The following TMEM255B variants were observed in gnomAD, a reference collection of about 807,000 sequenced individuals.
TMEM255B encodes the protein transmembrane protein 255B.
TMEM255B carries 35 observed loss-of-function variants against 34.5 expected under a neutral mutation model. The observed-to-expected ratio is 1.01, with a 90% CI of 0.77 to 1.34. TMEM255B has a LOEUF of 1.34. TMEM255B is among the 40% of genes most tolerant of loss of function. TMEM255B has a pLI of 0.00. For synonymous variants in TMEM255B, 206 were observed against 201.2 expected, an observed-to-expected ratio of 1.02 and a Z score of -0.20; for missense variants, 432 against 433.2, an observed-to-expected ratio of 1.00 and a Z score of 0.02.
rs2051068446 is a variant in TMEM255B, at chr13:113,801,757, T to C, written c.614T>C (p.Leu205Pro). ...TGGGCCTCTGCAGTTCTGAACGTCC[T>C]GGGCCTGTTCCTGGGCATCATCACC... ...LLWASAVLNV[L>P]GLFLGIITAA... is the part of the protein sequence containing the mutation. The change falls in exon 7 of 9, where the codon CTG becomes CCG. Residue 205 changes from leucine (L) to proline (P), a missense_variant. Physicochemically the swap from Leu to Pro is moderately conservative, Grantham distance 98. Transcript: ENST00000375353. 1 of 1,612,958 alleles carries C rather than the reference T, an allele frequency of 6.2e-7. No homozygotes were observed.
intron 2 of TMEM255B, 172 bp from the exon 3 acceptor site, chr13:113,768,926 A>G: frequency 1.4e-6 from 1 of 714,102 alleles, no homozygotes; most frequent in Non-Finnish European, 2.6e-6. Context: ...TGCCTGCCCA[A>G]CGCCAGCAGA....
At chr13:113,785,584 T>C (rs1407325242) in intron 3 of TMEM255B, among the ~76,000 whole-genome samples, 2 of 152,216 alleles carry the variant, frequency 1.3e-5, no homozygotes, top group Admixed American at 6.5e-5. Context: ...AAAAGTTCAA[T>C]TAAAGAAACT....
At chr13:113,802,519 GC>G (rs891069239) in intron 7 of TMEM255B, among the ~76,000 whole-genome samples, 1 of 152,150 alleles carries the variant, frequency 6.6e-6, no homozygotes, top group South Asian at 2.1e-4. Flanking sequence ...GACGAGGGGC[GC>G]CCCCTCTTGC....
At chr13:113,774,749 ACACACACCACACAC>A (rs199904110) in intron 3 of TMEM255B, among the ~76,000 whole-genome samples, 1 of 146,958 alleles carries the variant, frequency 6.8e-6, no homozygotes, top group South Asian at 2.2e-4. Flanking sequence ...CACACACACT[ACACACACCACACAC>A]CACACACAAC....
chr13:113,806,333 G>A lies in TMEM255B; in HGVS notation c.813+1305G>A, dbSNP rs1385952915. On this transcript the variant is annotated intron_variant, in intron 8 of 8. Transcript: ENST00000375353. This position sits in a 1 kb window ranked among gnomAD's most constrained non-coding sequence, Gnocchi z 4.2. ...TGTGGGGCTGCTGGGGGTCCCTCGC[G>A]TTCAGGGCCTGCTTGGGTCAGCCAC... is the stretch of plus-strand genomic sequence containing the variant. Among the ~76,000 whole-genome samples, 4 of 152,138 alleles carry A rather than the reference G, an allele frequency of 2.6e-5. No homozygotes were observed. Among genetic ancestry groups the A allele is most frequent in the Admixed American group, 1.3e-4 (2 of 15,284 alleles).
At chr13:113,798,496 TTGGA>T (rs1413574345) in intron 4 of TMEM255B, among the ~76,000 whole-genome samples, 2 of 130,800 alleles carry the variant, frequency 1.5e-5, no homozygotes, top group South Asian at 2.5e-4. Context: ...TGGATGATGG[TTGGA>T]TGGATGGATG....
At chr13:113,785,317 G>T (rs937280854) in intron 3 of TMEM255B, among the ~76,000 whole-genome samples, 1 of 146,570 alleles carries the variant, frequency 6.8e-6, no homozygotes, top group Non-Finnish European at 1.5e-5. Context: ...CACTGGCTTT[G>T]CCTTCTGATT....
intron 1 of TMEM255B, among the ~76,000 whole-genome samples, chr13:113,762,716 G>A (rs1337812408): frequency 6.6e-6 from 1 of 152,200 alleles, no homozygotes; most frequent in African/African-American, 2.4e-5. Flanking sequence ...GAACCGAGCA[G>A]AGCTTCCAGC....
chr13:113,766,370 G>A (rs778616850), intron 2 of TMEM255B, 113 bp downstream of exon 2: 11 of 1,480,824 alleles, frequency 7.4e-6, no homozygotes, highest in African/African-American at 1.4e-5. Context: ...GGGAGGCTTC[G>A]ATCAGTGCTT....
At chr13:113,774,589 A>AAT in intron 3 of TMEM255B, among the ~76,000 whole-genome samples, 1 of 139,774 alleles carries the variant, frequency 7.2e-6, no homozygotes, top group Non-Finnish European at 1.6e-5. Context: ...CACACCACAC[A>AAT]ACACACAAAT....
chr13:113,772,162 A>G (rs2050489234), intron 3 of TMEM255B, among the ~76,000 whole-genome samples: 1 of 152,034 alleles, frequency 6.6e-6, no homozygotes, highest in Admixed American at 6.6e-5. Flanking sequence ...ATGTCTGTTC[A>G]TTTCCTTTGC....
rs559916658 is a variant in TMEM255B at position 113,800,471 on chromosome 13, G to A, written c.424-356G>A. On this transcript the variant is annotated intron_variant, in intron 5 of 8. Transcript: ENST00000375353. ...GACGGGGCCTGTTCTGCCGCCCTCC[G>A]GGCTCTCAGGCTTCTGTGCACCCCA... is the stretch of plus-strand genomic sequence containing the variant. Among the ~76,000 whole-genome samples the A allele has an allele frequency of 2.3e-3, 356 of 152,152 alleles. 1 individual carries two copies. The highest frequency in any genetic ancestry group is 8.0e-3 in the African/African-American group (334 of 41,500).
In TMEM255B at chr13:113,795,203, C is replaced by T. The variant is rs2050899653; in HGVS notation, c.308C>T (p.Ala103Val). The T allele has an allele frequency of 6.2e-7, 1 of 1,613,918 alleles. No homozygotes were observed. The highest frequency in any genetic ancestry group is 8.5e-7 in the Non-Finnish European group (1 of 1,179,976). The change falls in exon 4 of 9, where the codon GCC becomes GTC. Residue 103 changes from alanine (A) to valine (V), a missense_variant. By Grantham distance (64) the Ala-to-Val change is moderately conservative (BLOSUM62 0). Coordinates refer to ENST00000375353, the MANE Select transcript of TMEM255B (RefSeq NM_182614.4). Reference protein sequence around the residue: ...SFGVVAAFCCAIVDGVFAAQH... With the variant: ...SFGVVAAFCCVIVDGVFAAQH... ...GGCGTGGTGGCCGCCTTCTGCTGCG[C>T]CATCGTGGACGGCGTATTTGCAGCA...
chr13:113,807,728 T>A (rs1181116715), intron 8 of TMEM255B, among the ~76,000 whole-genome samples: 4 of 87,774 alleles, frequency 4.6e-5, no homozygotes, highest in Non-Finnish European at 8.5e-5. Flanking sequence ...CTGTCACACG[T>A]GGGCTTATGG....
chr13:113,799,064 T>G (rs2050994516), intron 4 of TMEM255B, among the ~76,000 whole-genome samples: 1 of 152,264 alleles, frequency 6.6e-6, no homozygotes, highest in Non-Finnish European at 1.5e-5. Flanking sequence ...CCTGTCTCCC[T>G]TCTGCTGCCC....
intron 3 of TMEM255B, among the ~76,000 whole-genome samples, chr13:113,774,644 A>AC (rs1321516990): frequency 1.7e-4 from 25 of 145,688 alleles, no homozygotes; most frequent in African/African-American, 6.1e-4. Context: ...CACACCACAC[A>AC]CACTATACAC....
intron 3 of TMEM255B, among the ~76,000 whole-genome samples, chr13:113,783,698 G>A (rs1027962128): frequency 6.6e-6 from 1 of 152,120 alleles, no homozygotes; most frequent in Admixed American, 6.6e-5. Flanking sequence ...TTTCTGAATG[G>A]GTGACTGGTG....
In TMEM255B at chr13:113,812,045, C is replaced by T; in HGVS notation, c.*142C>T. 8.9e-7 allele frequency: 1 copy of T among 1,124,472 alleles called. No individual in the cohort carries two copies. Among genetic ancestry groups the T allele is most frequent in the South Asian group, 1.6e-5 (1 of 63,780 alleles). 69.7% of individuals were successfully genotyped at this position (1,124,472 alleles called of 1,614,324 possible). On this transcript the variant is annotated 3_prime_UTR_variant, in exon 9 of 9. Transcript: ENST00000375353. ...TCTGTCCCCTCCTTTCCTCCCTGGG[C>T]ACACTGGTGAGGGAGGCTGGAACCA...
intron 8 of TMEM255B, among the ~76,000 whole-genome samples, chr13:113,808,478 C>T (rs1439650686): frequency 1.3e-5 from 2 of 152,132 alleles, no homozygotes; most frequent in Admixed American, 6.5e-5. Flanking sequence ...CTCTGTGGTT[C>T]CTGGGGGTTT....
Sources: allele counts gnomAD v4.1 joint callset (sites outside exome capture counted in the v4.1 genomes callset), GRCh38; gene constraint gnomAD v4.1.1; non-coding constraint Gnocchi (gnomAD v3.1); transcripts MANE v1.5; gene names NCBI Gene and HGNC (gene_info 2026-07-23, HGNC 2026-07-21).